EHBP1: variants seen among roughly 807,000 people sequenced by gnomAD.
The protein encoded by EHBP1 is EH domain binding protein 1, also known as EH domain-binding protein 1.
EHBP1 carries 55 observed loss-of-function variants against 144.0 expected under a neutral mutation model. The ratio of observed to expected loss-of-function variants is 0.38; its 90% CI spans 0.31 to 0.48. The LOEUF is 0.48. Among genes scored for constraint, EHBP1 ranks in the 20% least tolerant of loss-of-function variants. The probability of loss-of-function intolerance (pLI) is 0.98; values close to 1 mark genes in which losing one functional copy is unlikely to be tolerated. For synonymous variants in EHBP1, 469 were observed against 472.7 expected (o/e 0.99, Z 0.10); for missense variants, 1,200 against 1,364.2 (o/e 0.88, Z 1.90).
chr2:62,842,447 A>G (rs1294768199), intron 7 of EHBP1, among the ~76,000 whole-genome samples: 1 of 152,172 alleles, frequency 6.6e-6, no homozygotes, highest in South Asian at 2.1e-4. Flanking sequence ...TGAACTAATG[A>G]TCTCTCCGTA....
At chr2:62,675,074 AT>A (rs2033236464) in intron 1 of EHBP1, among the ~76,000 whole-genome samples, 1 of 152,222 alleles carries the variant, frequency 6.6e-6, no homozygotes, top group South Asian at 2.1e-4. Context: ...GAGAGTGAAC[AT>A]TTGAAGGAAA....
intron 5 of EHBP1, among the ~76,000 whole-genome samples, chr2:62,809,093 G>A (rs888493694): frequency 3.3e-5 from 5 of 151,942 alleles, no homozygotes; most frequent in African/African-American, 4.8e-5. Context: ...GAGTTCGAGA[G>A]CAGCCTGACC....
At chr2:62,771,216 C>A in intron 4 of EHBP1, 123 bp from the exon 5 acceptor site, 1 of 544,258 alleles carries the variant, frequency 1.8e-6, no homozygotes, top group Non-Finnish European at 3.1e-6. Flanking sequence ...GTAGGCTATT[C>A]TGCCTCTCCA....
intron 19 of EHBP1, among the ~76,000 whole-genome samples, chr2:63,034,549 A>G (rs2061383942): frequency 6.6e-6 from 1 of 152,064 alleles, no homozygotes; most frequent in East Asian, 1.9e-4. Context: ...AAAGTGCTTT[A>G]TTCTGAGATT....
intron 10 of EHBP1, among the ~76,000 whole-genome samples, chr2:62,918,161 T>A (rs1041395249): frequency 1.3e-5 from 2 of 152,160 alleles, no homozygotes; most frequent in African/African-American, 2.4e-5. Flanking sequence ...CCTCCCAAAC[T>A]GCTGGGTTTG....
In EHBP1 at chr2:62,705,946, C is replaced by T; in HGVS notation, c.-402C>T. 1 of 162,424 alleles carries T rather than the reference C, an allele frequency of 6.2e-6. No individual in the cohort carries two copies. The highest frequency in any genetic ancestry group is 6.7e-5 in the Admixed American group (1 of 14,976). 10.1% of individuals were successfully genotyped at this position (162,424 alleles called of 1,614,324 possible). On this transcript the variant is annotated 5_prime_UTR_variant, in exon 1 of 23. Transcript: ENST00000431489. The stretch of plus-strand genomic sequence containing the variant: ...GCTTGGCTGTTCCATGTGGCTCCGG[C>T]GGGGATGGAGGACTCGGTGGCGGCG...
chr2:62,847,846 TG>T (rs1306962566), intron 7 of EHBP1, among the ~76,000 whole-genome samples: 2 of 152,162 alleles, frequency 1.3e-5, no homozygotes, highest in Admixed American at 1.3e-4. Flanking sequence ...GACAAAGATT[TG>T]GACATATGGT....
intron 10 of EHBP1, among the ~76,000 whole-genome samples, chr2:62,879,495 A>G (rs564311779): frequency 3.3e-5 from 5 of 151,764 alleles, no homozygotes; most frequent in Non-Finnish European, 7.4e-5. Flanking sequence ...CTACAAGTCT[A>G]TATAACATTC....
intron 2 of EHBP1, among the ~76,000 whole-genome samples, chr2:62,722,702 G>A (rs768628766): frequency 6.6e-6 from 1 of 152,056 alleles, no homozygotes; most frequent in Non-Finnish European, 1.5e-5. Context: ...CACTTCTTAA[G>A]TGTCAATTCA....
chr2:62,887,456 A>G (rs1307440083), intron 10 of EHBP1, among the ~76,000 whole-genome samples: 2 of 152,048 alleles, frequency 1.3e-5, no homozygotes, highest in African/African-American at 4.8e-5. Context: ...AAACCAATTA[A>G]GCCAAGCACG....
chr2:62,819,409 G>A (rs1462994805), intron 5 of EHBP1, among the ~76,000 whole-genome samples: 2 of 152,082 alleles, frequency 1.3e-5, no homozygotes, highest in Non-Finnish European at 2.9e-5. Flanking sequence ...ATAAATTATT[G>A]TGCATGTGTA....
rs528039265 is a variant in EHBP1 at position 62,973,861 on chromosome 2, T to C, written c.2461-5327T>C. 3.9e-5 allele frequency among the ~76,000 whole-genome samples: 6 copies of C among 152,054 alleles called. No individual in the cohort carries two copies. The South Asian group carries it at 1.2e-3, about 32-fold the overall frequency. ...CAAAATTACAAAAATTAGCCAGGCATGGTGGCACACACCTGTGGTCCCAGC... is the reference window on the plus strand; with the variant it reads ...CAAAATTACAAAAATTAGCCAGGCACGGTGGCACACACCTGTGGTCCCAGC... On this transcript the variant is annotated intron_variant, in intron 14 of 22. Coordinates refer to ENST00000431489, the MANE Select transcript of EHBP1 (RefSeq NM_001142616.3).
chr2:62,942,318 C>T (rs964702982), intron 10 of EHBP1, among the ~76,000 whole-genome samples: 2 of 152,054 alleles, frequency 1.3e-5, no homozygotes, highest in African/African-American at 4.8e-5. Context: ...ATTTGGACCT[C>T]GAAATACATT....
intron 10 of EHBP1, among the ~76,000 whole-genome samples, chr2:62,881,332 A>G (rs1415261900): frequency 6.6e-6 from 1 of 150,832 alleles, no homozygotes; most frequent in Non-Finnish European, 1.5e-5. Context: ...TCTATACACC[A>G]GTCCCCCATG....
At chr2:62,783,317 T>C (rs919451430) in intron 5 of EHBP1, among the ~76,000 whole-genome samples, 4 of 152,212 alleles carry the variant, frequency 2.6e-5, no homozygotes, top group Admixed American at 1.3e-4. Context: ...TCTACCATTC[T>C]GGAGTCTGAA....
chr2:62,897,399 T>G (rs908393901), intron 10 of EHBP1, among the ~76,000 whole-genome samples: 3 of 152,220 alleles, frequency 2.0e-5, no homozygotes, highest in African/African-American at 7.2e-5. Flanking sequence ...TGAGCAATGC[T>G]GCAATGAATA....
intron 5 of EHBP1, among the ~76,000 whole-genome samples, chr2:62,779,496 G>A (rs1013875167): frequency 6.6e-6 from 1 of 152,148 alleles, no homozygotes; most frequent in African/African-American, 2.4e-5. Context: ...TGAATGGCAA[G>A]AAAATTCATG....
At chr2:63,036,391 C>T (rs148508043) in intron 19 of EHBP1, among the ~76,000 whole-genome samples, 242 of 152,046 alleles carry the variant, frequency 1.6e-3, no homozygotes, top group African/African-American at 5.7e-3. Flanking sequence ...ATATGTTAAA[C>T]TATAATCATA....
Position 62,948,575 on chromosome 2 carries a change from G to T in EHBP1, c.1729G>T (p.Asp577Tyr). 2 of 1,614,064 alleles carry T rather than the reference G, an allele frequency of 1.2e-6. No individual in the cohort carries two copies. The highest frequency in any genetic ancestry group is 2.2e-5 in the South Asian group (2 of 91,066). ...SGAVDFLSQD[D>Y]SVFVNDSGVG... ...AGCAGTAGACTTCTTATCACAGGATGACTCTGTATTTGTAAATGATAGCGG... is the reference window on the plus strand; with the variant it reads ...AGCAGTAGACTTCTTATCACAGGATTACTCTGTATTTGTAAATGATAGCGG... The change falls in exon 13 of 23, where the codon GAC becomes TAC. Residue 577 changes from aspartate to tyrosine, a missense_variant. Asp to Tyr is a radical substitution (Grantham distance 160). Coordinates refer to ENST00000431489, the MANE Select transcript of EHBP1 (RefSeq NM_001142616.3).
Sources: allele counts gnomAD v4.1 joint callset (sites outside exome capture counted in the v4.1 genomes callset), GRCh38; gene constraint gnomAD v4.1.1; transcripts MANE v1.5; gene names NCBI Gene and HGNC (gene_info 2026-07-23, HGNC 2026-07-21).